INPP5D: variants seen among roughly 807,000 people sequenced by gnomAD.
INPP5D encodes phosphatidylinositol 3,4,5-trisphosphate 5-phosphatase 1.
Under a neutral mutation model 122.9 loss-of-function variants are expected in INPP5D, and 33 were observed. That is an observed-to-expected ratio of 0.27 (90% CI 0.20 to 0.36). The LOEUF is 0.36. Ranked by LOEUF, INPP5D falls within the 10% of genes least tolerant of loss-of-function variation. INPP5D has a pLI of 1.00. For synonymous variants in INPP5D, 584 were observed against 576.2 expected, an observed-to-expected ratio of 1.01 and a Z score of -0.19; for missense variants, 1,053 against 1,412.7, an observed-to-expected ratio of 0.75 and a Z score of 4.08.
At chr2:233,115,110 G>A (rs1312426726) in intron 2 of INPP5D, among the ~76,000 whole-genome samples, 2 of 152,186 alleles carry the variant, frequency 1.3e-5, no homozygotes, top group East Asian at 3.9e-4. Context: ...CAGGTGATCC[G>A]CCCGCCTCAG....
Position 233,100,960 on chromosome 2 carries a change from G to A in INPP5D, c.199-21147G>A, listed in dbSNP as rs1000802530. Among the ~76,000 whole-genome samples, 7 of 132,330 alleles carry A rather than the reference G, an allele frequency of 5.3e-5. No individual in the cohort carries two copies. The highest frequency in any genetic ancestry group is 2.7e-4 in the East Asian group (1 of 3,708). 86.8% of individuals were successfully genotyped at this position (132,330 alleles called of 152,430 possible). A position where few individuals can be genotyped will look rare whatever the true frequency, so the allele number is the denominator to read the frequency against. On this transcript the variant is annotated intron_variant, in intron 2 of 26. Transcript: ENST00000445964. The surrounding 1 kb of genome is among the most constrained non-coding windows in gnomAD (Gnocchi z 5.3). The stretch of plus-strand genomic sequence containing the variant: ...CATCTTTCAGTGTTCCTCACTGAAC[G>A]GTAATCCCCTCCGTGTGCCCCCAAC...
chr2:233,197,179 G>A lies in INPP5D; in HGVS notation c.2694-916G>A, dbSNP rs774297074. ...GTGGAGTGTCCCTGACAGCCTATAC[G>A]CTCAGAACTCAGTTCTCAGGAGGCC... On this transcript the variant is annotated intron_variant, in intron 24 of 26. Coordinates refer to ENST00000445964, the MANE Select transcript of INPP5D (RefSeq NM_001017915.3). The surrounding 1 kb of genome is among the most constrained non-coding windows in gnomAD (Gnocchi z 4.4). Among the ~76,000 whole-genome samples, 12 of 152,138 alleles carry A rather than the reference G, an allele frequency of 7.9e-5. No individual in the cohort carries two copies. The highest frequency in any genetic ancestry group is 2.9e-4 in the African/African-American group (12 of 41,424).
chr2:233,153,421 G>A (rs906506064), intron 9 of INPP5D, among the ~76,000 whole-genome samples: 2 of 152,150 alleles, frequency 1.3e-5, no homozygotes, highest in Non-Finnish European at 2.9e-5. Flanking sequence ...GTTCCCTTCC[G>A]GAAGGCAAAA....
intron 5 of INPP5D, chr2:233,133,920 C>T (rs1172837335): frequency 2.2e-6 from 1 of 454,822 alleles, no homozygotes; most frequent in African/African-American, 2.0e-5. Flanking sequence ...CGGTTATACA[C>T]AGGCTCTGGC....
chr2:233,171,186 C>G (rs1694487028), intron 17 of INPP5D, 34 bp downstream of exon 17: 1 of 1,609,586 alleles, frequency 6.2e-7, no homozygotes. Flanking sequence ...TCCCTGCCCT[C>G]CATCTCCTCC....
rs2106333013 is a variant in INPP5D, at chr2:233,207,090, A to G, written c.*382A>G. The G allele has an allele frequency of 5.1e-6, 1 of 197,358 alleles. No individual in the cohort carries two copies. The highest frequency in any genetic ancestry group is 8.1e-5 in the South Asian group (1 of 12,330). The allele number at this position is 197,358 out of a possible 1,614,324, so 12.2% of individuals were successfully genotyped here. ...TAATGGCCACATGGATCGAACACTCATGATGTGCCAAGTGCTGTGCTAAGT... is the reference window on the plus strand; with the variant it reads ...TAATGGCCACATGGATCGAACACTCGTGATGTGCCAAGTGCTGTGCTAAGT... On this transcript the variant is annotated 3_prime_UTR_variant, in exon 27 of 27. Coordinates refer to ENST00000445964, the MANE Select transcript of INPP5D (RefSeq NM_001017915.3). This position sits in a 1 kb window ranked among gnomAD's most constrained non-coding sequence, Gnocchi z 4.6.
intron 1 of INPP5D, among the ~76,000 whole-genome samples, chr2:233,061,163 A>G (rs997438387): frequency 4.7e-5 from 7 of 150,300 alleles, no homozygotes; most frequent in African/African-American, 1.7e-4. Context: ...GGAAGTCACC[A>G]TTACCACCAG....
At chr2:233,092,191 G>A (rs776025411) in intron 2 of INPP5D, among the ~76,000 whole-genome samples, 1 of 152,228 alleles carries the variant, frequency 6.6e-6, no homozygotes, top group African/African-American at 2.4e-5. Context: ...GGCCCGAGCT[G>A]CCAGGCTTAT....
intron 2 of INPP5D, among the ~76,000 whole-genome samples, chr2:233,117,274 C>T (rs148119024): frequency 1.3e-5 from 2 of 152,292 alleles, no homozygotes; most frequent in African/African-American, 4.8e-5. Flanking sequence ...GCTAACCTCC[C>T]GATTCGAACC....
rs572236332 is a variant in INPP5D at position 233,177,676 on chromosome 2, C to T, written c.2071+330C>T. Among the ~76,000 whole-genome samples, 7 of 152,274 alleles carry T rather than the reference C, an allele frequency of 4.6e-5. No homozygotes were observed. The East Asian group carries it at 5.8e-4, about 13-fold the overall frequency. On this transcript the variant is annotated intron_variant, in intron 18 of 26. Coordinates refer to ENST00000445964, the MANE Select transcript of INPP5D (RefSeq NM_001017915.3). This position sits in a 1 kb window ranked among gnomAD's most constrained non-coding sequence, Gnocchi z 4.2. ...ACAACTTCTACCTCCTGGGTTCAAG[C>T]GATTCTCGTGCCACAGCCTCCCCAA...
At chr2:233,068,705 G>A (rs1485326353) in intron 1 of INPP5D, among the ~76,000 whole-genome samples, 2 of 152,334 alleles carry the variant, frequency 1.3e-5, no homozygotes, top group East Asian at 1.9e-4. Context: ...ATACAGAGGA[G>A]AGAAGAGAAT....
chr2:233,184,573 T>C (rs774691503), intron 20 of INPP5D, 52 bp downstream of exon 20: 110 of 1,601,992 alleles, frequency 6.9e-5, no homozygotes, highest in Middle Eastern at 1.7e-4. Flanking sequence ...AGCCTTCTTA[T>C]AAACACCTTT....
intron 9 of INPP5D, among the ~76,000 whole-genome samples, chr2:233,155,936 C>T (rs559918243): frequency 5.9e-5 from 9 of 152,316 alleles, no homozygotes; most frequent in African/African-American, 2.2e-4. Flanking sequence ...CAAGACCACC[C>T]CCAGGTTCTG....
intron 19 of INPP5D, among the ~76,000 whole-genome samples, chr2:233,182,725 T>G (rs890314122): frequency 2.6e-5 from 4 of 151,994 alleles, no homozygotes; most frequent in East Asian, 1.9e-4. Flanking sequence ...GCCTCAATTT[T>G]AGTCTGAAAA....
intron 5 of INPP5D, among the ~76,000 whole-genome samples, chr2:233,139,594 C>T (rs2106273020): frequency 6.6e-6 from 1 of 152,162 alleles, no homozygotes; most frequent in Non-Finnish European, 1.5e-5. Context: ...CTATAGAGTG[C>T]AGTTTGGCTA....
chr2:233,087,413 G>A lies in INPP5D; in HGVS notation c.198+8015G>A, dbSNP rs112925323. Among the ~76,000 whole-genome samples the A allele has an allele frequency of 8.3e-3, 1,268 of 152,190 alleles. 16 individuals are homozygous for A. The highest frequency in any genetic ancestry group is 0.025 in the African/African-American group (1,030 of 41,504). On this transcript the variant is annotated intron_variant, in intron 2 of 26. Transcript: ENST00000445964. ...CTCGGCTCAGCTCACTGCAACCCCT[G>A]CCTCCCGGGTTGAAGTGATTCTCCT...
At chr2:233,110,786 G>T (rs542347264) in intron 2 of INPP5D, among the ~76,000 whole-genome samples, 1 of 152,140 alleles carries the variant, frequency 6.6e-6, no homozygotes, top group African/African-American at 2.4e-5. Flanking sequence ...TTAGCTGGGT[G>T]TGGTGGCACA....
chr2:233,159,778 C>T (rs192657766), intron 10 of INPP5D, among the ~76,000 whole-genome samples: 1 of 152,134 alleles, frequency 6.6e-6, no homozygotes, highest in Non-Finnish European at 1.5e-5. Flanking sequence ...TCAGGGACCC[C>T]CAGCAAGGCC....
At chr2:233,148,794 A>G (rs1395820907) in intron 9 of INPP5D, among the ~76,000 whole-genome samples, 4 of 151,894 alleles carry the variant, frequency 2.6e-5, no homozygotes, top group Admixed American at 6.6e-5. Context: ...AACAGTTTGC[A>G]TCCCATGTCA....
Sources: gnomAD v4.1 joint callset for allele counts (sites outside exome capture counted in the v4.1 genomes callset) on GRCh38, gnomAD v4.1.1 for gene constraint, Gnocchi (gnomAD v3.1) non-coding constraint, MANE v1.5 for transcripts, NCBI Gene and HGNC (gene_info 2026-07-23, HGNC 2026-07-21) for gene names.